The following CATSPERD variants were observed in gnomAD, a reference collection of about 807,000 sequenced individuals.
CATSPERD encodes the protein cation channel sperm-associated auxiliary subunit delta.
A neutral mutation model predicts 98.1 loss-of-function variants in CATSPERD; 86 were observed. The observed-to-expected ratio is 0.88, with a 90% CI of 0.74 to 1.05. The LOEUF is 1.05. CATSPERD is among the 50% of genes least tolerant of loss of function. The pLI is 0.00. For synonymous variants in CATSPERD, 394 were observed against 390.2 expected (o/e 1.01, Z -0.12); for missense variants, 995 against 1,005.7 (o/e 0.99, Z 0.14).
At chr19:5,760,601 GGAGT>G (rs1201231592) in intron 15 of CATSPERD, among the ~76,000 whole-genome samples, 3 of 151,834 alleles carry the variant, frequency 2.0e-5, no homozygotes, top group African/African-American at 7.3e-5. Flanking sequence ...AGGGGGATGG[GGAGT>G]GAGTGTTTCA....
Position 5,736,800 on chromosome 19 carries a change from G to A in CATSPERD, c.392-338G>A, listed in dbSNP as rs574623289. On this transcript the variant is annotated intron_variant, in intron 5 of 21. Transcript: ENST00000381624. ...AGGCCAGGTGTGGTGGCTCACGCCTGTAATCCCAGCACTTTGGGAGGCCGA... is the reference window on the plus strand; with the variant it reads ...AGGCCAGGTGTGGTGGCTCACGCCTATAATCCCAGCACTTTGGGAGGCCGA... Among the ~76,000 whole-genome samples, 4 of 152,212 alleles carry A rather than the reference G, an allele frequency of 2.6e-5. No homozygotes were observed. The East Asian group carries it at 5.8e-4, about 22-fold the overall frequency.
chr19:5,746,320 C>T lies in CATSPERD; in HGVS notation c.808+257C>T, dbSNP rs983302574. ...AATAAGTGACGGTGACAAGAGTCTC[C>T]GTCATGGAGGTTTATTCCGCCAGCT... On this transcript the variant is annotated intron_variant, in intron 9 of 21. Transcript: ENST00000381624. 6.6e-5 allele frequency among the ~76,000 whole-genome samples: 10 copies of T among 152,164 alleles called. 1 individual carries two copies. In the South Asian group the frequency reaches 1.0e-3, roughly 16 times the overall value.
In CATSPERD at chr19:5,739,447, A is replaced by G; in HGVS notation, c.573+8A>G. 7.2e-7 allele frequency: 1 copy of G among 1,395,946 alleles called. No individual in the cohort carries two copies. The highest frequency in any genetic ancestry group is 1.0e-6 in the Non-Finnish European group (1 of 1,002,126). 86.5% of individuals were successfully genotyped at this position (1,395,946 alleles called of 1,614,324 possible). ...TATCACTATGACAGACAGGTATGTT[A>G]AATTTGGTAAGAATGTGAAAATAAA... is the stretch of plus-strand genomic sequence containing the variant. On this transcript the variant is annotated splice_region_variant and intron_variant, in intron 7 of 21. Coordinates refer to ENST00000381624, the MANE Select transcript of CATSPERD (RefSeq NM_152784.4).
In CATSPERD at chr19:5,745,835, T is replaced by C. The variant is rs2056082135; in HGVS notation, c.658-78T>C. Reference sequence around the variant, plus strand: ...TTTCCCCTGCACCTGCTAGCCAGACTCCTCTTCCCTCATTAGGACTCAGTG... The same window carrying C: ...TTTCCCCTGCACCTGCTAGCCAGACCCCTCTTCCCTCATTAGGACTCAGTG... On this transcript the variant is annotated intron_variant, in intron 8 of 21. Coordinates refer to ENST00000381624, the MANE Select transcript of CATSPERD (RefSeq NM_152784.4). 3.5e-6 allele frequency: 5 copies of C among 1,447,474 alleles called. No individual in the cohort carries two copies. In the East Asian group the frequency reaches 7.1e-5, roughly 21 times the overall value. 89.7% of individuals were successfully genotyped at this position (1,447,474 alleles called of 1,614,324 possible).
chr19:5,758,274 T>A (rs2056365171), intron 14 of CATSPERD, among the ~76,000 whole-genome samples: 1 of 152,032 alleles, frequency 6.6e-6, no homozygotes, highest in African/African-American at 2.4e-5. Flanking sequence ...AGCAAACTCC[T>A]TTAACCAGGC....
chr19:5,743,190 C>T (rs1025219318), intron 7 of CATSPERD, among the ~76,000 whole-genome samples: 1 of 152,028 alleles, frequency 6.6e-6, no homozygotes, highest in Non-Finnish European at 1.5e-5. Context: ...GTAATCCCAG[C>T]TACTCGGGAG....
In CATSPERD at chr19:5,724,813, G is replaced by A. The variant is rs774070564; in HGVS notation, c.77G>A (p.Arg26His). 5.0e-6 allele frequency: 8 copies of A among 1,613,776 alleles called. No individual in the cohort carries two copies. Among genetic ancestry groups the A allele is most frequent in the Admixed American group, 3.3e-5 (2 of 59,980 alleles). The change falls in exon 2 of 22, where the codon CGC (arginine) becomes CAC (histidine). Residue 26 changes from arginine (R) to histidine (H), a missense_variant. By Grantham distance (29) the Arg-to-His change is conservative (BLOSUM62 0). Coordinates refer to ENST00000381624, the MANE Select transcript of CATSPERD (RefSeq NM_152784.4). ...GTCTTTCTTGTCACTTCTAGTTCTC[G>A]CACAGTGAGGACAGGAAAAGTGTTT... ...PLVTAQLCRS[R>H]TVRTGKVFNL... is the part of the protein sequence containing the mutation.
chr19:5,757,245 A>T (rs573779228), intron 13 of CATSPERD, among the ~76,000 whole-genome samples: 1 of 152,162 alleles, frequency 6.6e-6, no homozygotes, highest in Non-Finnish European at 1.5e-5. Context: ...GTGAGACTCC[A>T]TCTCAAAAAT....
chr19:5,775,663 A>G (rs1050630297), intron 20 of CATSPERD, among the ~76,000 whole-genome samples: 1 of 150,340 alleles, frequency 6.7e-6, no homozygotes, highest in Non-Finnish European at 1.5e-5. Flanking sequence ...AAAAAAAAAA[A>G]AAAAGAAAGA....
chr19:5,748,405 T>C (rs1599549544), intron 10 of CATSPERD, 150 bp downstream of exon 10: 1 of 648,124 alleles, frequency 1.5e-6, no homozygotes. Flanking sequence ...CCGAGGCGGG[T>C]GGATCACCTG....
chr19:5,731,722 C>T (rs2055728261), intron 4 of CATSPERD, among the ~76,000 whole-genome samples: 3 of 149,744 alleles, frequency 2.0e-5, no homozygotes, highest in African/African-American at 4.9e-5. Flanking sequence ...ACTACAGGCG[C>T]CCGCCACCGC....
chr19:5,741,794 G>GGT (rs1555720230), intron 7 of CATSPERD, among the ~76,000 whole-genome samples: 3 of 93,610 alleles, frequency 3.2e-5, no homozygotes, highest in African/African-American at 1.1e-4. Context: ...GCGGGGGGGG[G>GGT]GGGGTGGTGT....
rs554192629 is a variant in CATSPERD, at chr19:5,737,321, G to A, written c.459+116G>A. On this transcript the variant is annotated intron_variant, in intron 6 of 21. Coordinates refer to ENST00000381624, the MANE Select transcript of CATSPERD (RefSeq NM_152784.4). ...CATACCTGTAATCCCAGCACTTTGG[G>A]AGGCCGAGGCAAGAGGATTGCTGAA... The A allele has an allele frequency of 4.7e-6, 3 of 642,038 alleles. No individual in the cohort carries two copies. In the South Asian group the frequency reaches 5.5e-5, roughly 12 times the overall value. The allele number at this position is 642,038 out of a possible 1,614,324, so 39.8% of individuals were successfully genotyped here.
rs368808350 is a variant in CATSPERD, at chr19:5,746,023, C to T, written c.768C>T (p.Leu256=). 1.3e-5 allele frequency: 21 copies of T among 1,614,048 alleles called. No homozygotes were observed. Among genetic ancestry groups the T allele is most frequent in the Non-Finnish European group, 1.8e-5 (21 of 1,180,036 alleles). The change falls in exon 9 of 22, where the codon CTC becomes CTT. Residue 256 remains leucine (L), a synonymous_variant. Coordinates refer to ENST00000381624, the MANE Select transcript of CATSPERD (RefSeq NM_152784.4). ...CCCCCGGCCAGAGAGGCATCCTGCT[C>T]CTATGGTTTGAGAACAGCCTGTTGT... ...LIAPGQRGIL[L]LWFENSLLFS...
chr19:5,730,586 G>A (rs2055695743), intron 4 of CATSPERD, among the ~76,000 whole-genome samples: 1 of 88,008 alleles, frequency 1.1e-5, no homozygotes, highest in African/African-American at 4.3e-5. Flanking sequence ...ATAATAGATA[G>A]GTGGGATGGT....
At chr19:5,725,040 G>T (rs1044898399) in intron 2 of CATSPERD, among the ~76,000 whole-genome samples, 178 bp downstream of exon 2, 6 of 152,158 alleles carry the variant, frequency 3.9e-5, no homozygotes, top group African/African-American at 7.2e-5. Context: ...ATTTCACTGA[G>T]AAACAAGTTT....
chr19:5,757,173 C>T (rs900523896), intron 13 of CATSPERD, among the ~76,000 whole-genome samples: 1 of 151,866 alleles, frequency 6.6e-6, no homozygotes, highest in Admixed American at 6.6e-5. Flanking sequence ...TCACTGGAAC[C>T]CAGGAGGCAG....
At chr19:5,760,172 G>A (rs1052963329) in intron 15 of CATSPERD, among the ~76,000 whole-genome samples, 5 of 150,192 alleles carry the variant, frequency 3.3e-5, no homozygotes, top group Admixed American at 6.7e-5. Context: ...AGGCTGAGGC[G>A]GACAGCTCAC....
In CATSPERD at chr19:5,748,230, G is replaced by A. The variant is rs772382021; in HGVS notation, c.879G>A (p.Lys293=). The A allele has an allele frequency of 6.2e-7, 1 of 1,614,052 alleles. No individual in the cohort carries two copies. The highest frequency in any genetic ancestry group is 8.5e-7 in the Non-Finnish European group (1 of 1,179,978). ...TGTTTTCTTCCATTTTTGAAGCCAA[G>A]ATCACCATCCACAACATTGCTGTCA... is the stretch of plus-strand genomic sequence containing the variant. ...QTLFSSIFEA[K]ITIHNIAVTE... Residue 293 remains lysine (K), a synonymous_variant, in exon 10 of 22, where the codon AAG becomes AAA. Transcript: ENST00000381624.
Sources: allele counts gnomAD v4.1 joint callset (sites outside exome capture counted in the v4.1 genomes callset), GRCh38; gene constraint gnomAD v4.1.1; transcripts MANE v1.5; gene names NCBI Gene and HGNC (gene_info 2026-07-23, HGNC 2026-07-21).